The following RFC1 variants were observed in gnomAD, a reference collection of about 807,000 sequenced individuals.
The protein encoded by RFC1 is A1 140 kDa subunit.
A neutral mutation model predicts 137.4 loss-of-function variants in RFC1; 37 were observed. The observed-to-expected ratio is 0.27, with a 90% confidence interval of 0.21 to 0.35. The LOEUF is 0.35. RFC1 is among the 10% of genes least tolerant of loss of function. RFC1 has a pLI of 1.00. For missense variants in RFC1, 1,205 were observed against 1,358.5 expected (o/e 0.89, Z 1.78); for synonymous variants, 429 against 455.7 (o/e 0.94, Z 0.75).
intron 14 of RFC1, among the ~76,000 whole-genome samples, chr4:39,306,094 A>G (rs556366131): frequency 1.3e-5 from 2 of 152,346 alleles, no homozygotes; most frequent in South Asian, 2.1e-4. Flanking sequence ...ACAGGGATTC[A>G]GTAGCAATAG....
At position 39,302,570 on chromosome 4, in the gene RFC1, T is replaced by A. The variant is rs1245651984; in HGVS notation, c.2366A>T (p.Lys789Ile). 6.2e-7 allele frequency: 1 copy of A among 1,611,380 alleles called. No homozygotes were observed. Among genetic ancestry groups the A allele is most frequent in the Non-Finnish European group, 8.5e-7 (1 of 1,178,084 alleles). Residue 789 changes from lysine (K) to isoleucine (I), a missense_variant, in exon 18 of 25, where the codon AAA becomes ATA. Physicochemically the swap from Lys to Ile is moderately radical, Grantham distance 102 (BLOSUM62 -3). Transcript: ENST00000349703. ...TGGAGGGGGAATCTTTAAACCTTCTTTAAATGCAATAGACATCATAGCACC... is the reference window on the plus strand; with the variant it reads ...TGGAGGGGGAATCTTTAAACCTTCTATAAATGCAATAGACATCATAGCACC... ...IKGAMMSIAF[K>I]EGLKIPPPAM... is the part of the protein sequence containing the mutation.
At chr4:39,344,852 A>G (rs1740769710) in intron 3 of RFC1, among the ~76,000 whole-genome samples, 1 of 152,208 alleles carries the variant, frequency 6.6e-6, no homozygotes, top group Admixed American at 6.5e-5. Context: ...AATGCTGCAT[A>G]CTATATCACT....
chr4:39,328,075 G>C (rs957975273), intron 4 of RFC1, among the ~76,000 whole-genome samples: 27 of 152,196 alleles, frequency 1.8e-4, no homozygotes, highest in African/African-American at 6.3e-4. Flanking sequence ...TGAGGCTGCA[G>C]TTAGCTGTGA....
At chr4:39,318,337 T>C (rs1739351830) in intron 9 of RFC1, among the ~76,000 whole-genome samples, 1 of 152,190 alleles carries the variant, frequency 6.6e-6, no homozygotes, top group Non-Finnish European at 1.5e-5. Flanking sequence ...CCACACCACA[T>C]TCCCTGGGAA....
In RFC1 at chr4:39,300,120, G is replaced by A. The variant is rs138393995; in HGVS notation, c.2709C>T (p.His903=). ...CTGCTGCTCTGCTTAAAAGCATCAG[G>A]TGCTTTTTCATGTCACCCCTGCAGG... is the stretch of plus-strand genomic sequence containing the variant. ...PVAAGGDMKK[H]LMLLSRAADS... The change falls in exon 21 of 25, where the codon CAC becomes CAT. Residue 903 remains histidine, a synonymous_variant. Transcript: ENST00000349703. 8.1e-6 allele frequency: 13 copies of A among 1,613,406 alleles called. No individual in the cohort carries two copies. The African/African-American group carries it at 9.4e-5, about 12-fold the overall frequency.
intron 4 of RFC1, among the ~76,000 whole-genome samples, chr4:39,342,057 T>C (rs1740627067): frequency 6.6e-6 from 1 of 152,200 alleles, no homozygotes; most frequent in Non-Finnish European, 1.5e-5. Flanking sequence ...AAAAAAGTAG[T>C]TCTAAAACAA....
At chr4:39,301,706 G>C (rs1251012746) in intron 19 of RFC1, among the ~76,000 whole-genome samples, 1 of 152,196 alleles carries the variant, frequency 6.6e-6, no homozygotes, top group African/African-American at 2.4e-5. Flanking sequence ...CGGCACCTTG[G>C]GGGCCACAGC....
intron 12 of RFC1, 152 bp downstream of exon 12, chr4:39,311,293 T>A (rs1738948949): frequency 1.7e-6 from 1 of 582,164 alleles, no homozygotes; most frequent in Non-Finnish European, 3.0e-6. Flanking sequence ...TGAAGCAGAG[T>A]CTTCCAGCTC....
chr4:39,336,340 A>G (rs1367399742), intron 4 of RFC1, among the ~76,000 whole-genome samples: 2 of 152,168 alleles, frequency 1.3e-5, no homozygotes, highest in Non-Finnish European at 2.9e-5. Context: ...CCACAGAACT[A>G]CAGAAGACAG....
chr4:39,319,455 T>G (rs777203585), intron 9 of RFC1, among the ~76,000 whole-genome samples: 2 of 152,230 alleles, frequency 1.3e-5, no homozygotes, highest in Non-Finnish European at 2.9e-5. Context: ...CTCACAGGGT[T>G]GTTGTGAAAA....
At position 39,354,154 on chromosome 4, in the gene RFC1, A is replaced by G. The variant is rs536881633; in HGVS notation, c.4-2678T>C. 2.6e-5 allele frequency among the ~76,000 whole-genome samples: 4 copies of G among 152,350 alleles called. No homozygotes were observed. The South Asian group carries it at 8.3e-4, about 32-fold the overall frequency. ...GCAACGTAAGAGTTAAAGAAATTGC[A>G]GCATCGTAACCTAACTCAGTATACA... On this transcript the variant is annotated intron_variant, in intron 1 of 24. Transcript: ENST00000349703.
intron 1 of RFC1, among the ~76,000 whole-genome samples, chr4:39,364,837 G>A (rs1741940525): frequency 6.6e-6 from 1 of 152,050 alleles, no homozygotes; most frequent in Non-Finnish European, 1.5e-5. Flanking sequence ...CTATTTACTT[G>A]CCCAAGACCA....
chr4:39,295,787 A>C (rs1560588198), intron 21 of RFC1, 28 bp from the exon 22 acceptor site: 1 of 1,600,280 alleles, frequency 6.2e-7, no homozygotes, highest in East Asian at 2.2e-5. Context: ...GCAGTCCAGA[A>C]TTTATGTTCC....
intron 1 of RFC1, among the ~76,000 whole-genome samples, chr4:39,359,357 A>T (rs1272436842): frequency 6.6e-6 from 1 of 152,224 alleles, no homozygotes; most frequent in African/African-American, 2.4e-5. Context: ...GGAGATATAT[A>T]TATACAATGG....
At chr4:39,358,729 G>A (rs999788343) in intron 1 of RFC1, among the ~76,000 whole-genome samples, 4 of 152,060 alleles carry the variant, frequency 2.6e-5, no homozygotes, top group Non-Finnish European at 4.4e-5. Context: ...TATTTTCCAC[G>A]GAAATACGAA....
intron 4 of RFC1, among the ~76,000 whole-genome samples, chr4:39,339,156 CTTAAG>C (rs1379526150): frequency 6.6e-6 from 1 of 152,100 alleles, no homozygotes. Flanking sequence ...CCATGTGACA[CTTAAG>C]TTGTTTCCAT....
intron 1 of RFC1, among the ~76,000 whole-genome samples, chr4:39,359,006 C>T (rs1184366064): frequency 6.6e-6 from 1 of 152,184 alleles, no homozygotes; most frequent in Non-Finnish European, 1.5e-5. Flanking sequence ...GTGCCTCTAA[C>T]TAATAATGTC....
chr4:39,314,431 A>G (rs1429019264), intron 10 of RFC1, among the ~76,000 whole-genome samples: 1 of 152,114 alleles, frequency 6.6e-6, no homozygotes, highest in Non-Finnish European at 1.5e-5. Context: ...TAGCACTTCT[A>G]GCCTCCCTAT....
chr4:39,354,749 C>CAAAAAA (rs34342477), intron 1 of RFC1, among the ~76,000 whole-genome samples: 7 of 51,002 alleles, frequency 1.4e-4, no homozygotes, highest in Admixed American at 2.5e-4. Context: ...GAAACTATCT[C>CAAAAAA]AAAAAAAAAA....
Sources: gnomAD v4.1 joint callset for allele counts (sites outside exome capture counted in the v4.1 genomes callset) on GRCh38, gnomAD v4.1.1 for gene constraint, MANE v1.5 for transcripts, NCBI Gene and HGNC (gene_info 2026-07-23, HGNC 2026-07-21) for gene names.